Variants in SERPINA12 observed in about 807,000 individuals in gnomAD.
The protein encoded by SERPINA12 is serpin family A member 12.
A neutral mutation model predicts 25.9 loss-of-function variants in SERPINA12; 21 were observed. The ratio of observed to expected loss-of-function variants is 0.81; its 90% CI spans 0.58 to 1.17. The LOEUF is 1.17. Ranked by LOEUF, SERPINA12 falls within the 50% of genes most tolerant of loss-of-function variation. SERPINA12 has a pLI of 0.00. For missense variants in SERPINA12, 562 were observed against 508.3 expected (o/e 1.11, Z -1.02); for synonymous variants, 220 against 196.0 (o/e 1.12, Z -1.02).
At chr14:94,497,287 C>T (rs1418922522) in intron 2 of SERPINA12, among the ~76,000 whole-genome samples, 1 of 152,174 alleles carries the variant, frequency 6.6e-6, no homozygotes, top group African/African-American at 2.4e-5. Flanking sequence ...AGGAGACCCA[C>T]CAAGTGATCA....
intron 3 of SERPINA12, among the ~76,000 whole-genome samples, chr14:94,494,383 A>C (rs563198805): frequency 6.6e-6 from 1 of 152,360 alleles, no homozygotes; most frequent in East Asian, 1.9e-4. Flanking sequence ...TTCACACGGA[A>C]CATGGCTTGG....
At chr14:94,491,298 A>G (rs751047777) in intron 3 of SERPINA12, among the ~76,000 whole-genome samples, 12 of 152,238 alleles carry the variant, frequency 7.9e-5, no homozygotes, top group Non-Finnish European at 1.2e-4. Flanking sequence ...AAAAATAAAT[A>G]GATTGACTTG....
chr14:94,498,415 C>T lies in SERPINA12; in HGVS notation c.-18G>A, dbSNP rs748872117. 6.2e-7 allele frequency: 1 copy of T among 1,609,150 alleles called. No individual in the cohort carries two copies. The highest frequency in any genetic ancestry group is 8.5e-7 in the Non-Finnish European group (1 of 1,177,440). ...GGGTTCATTTTCCTTGAAGAATATC[C>T]TGTTGAGTAGTAGACCTGAGGTCAG... On this transcript the variant is annotated 5_prime_UTR_variant, in exon 2 of 5. Transcript: ENST00000677451.
exon 1 of SERPINA12, chr14:94,517,684 G>A (rs1901269914): frequency 6.6e-6 from 1 of 152,262 alleles, no homozygotes; most frequent in African/African-American, 2.4e-5. Context: ...CCCAGCGCCT[G>A]GGACTGTGGG....
At chr14:94,511,221 T>C (rs1901100103), upstream of SERPINA12, among the ~76,000 whole-genome samples, 1 of 151,620 alleles carries the variant, frequency 6.6e-6, no homozygotes, top group Non-Finnish European at 1.5e-5. Context: ...TGTGTACTTC[T>C]GTGCACACCT....
rs565973036 is a variant in SERPINA12, at chr14:94,487,324, A to G, written c.1224T>C (p.Ile408=). Residue 408 remains isoleucine (I), a synonymous_variant, in exon 5 of 5, where the codon ATT becomes ATC. Transcript: ENST00000677451. ...TCCTTTATTTTCCAATAGGGTTAAC[A>G]ATCTTTCCCAGGAAGAGCACGGAAG... is the stretch of plus-strand genomic sequence containing the variant. ...KIPSVLFLGK[I]VNPIGK is the part of the protein sequence containing the mutation. The G allele has an allele frequency of 5.0e-6, 8 of 1,613,970 alleles. No individual in the cohort carries two copies. In the African/African-American group the frequency reaches 1.1e-4, roughly 22 times the overall value.
chr14:94,498,799 T>A (rs1900585687), intron 1 of SERPINA12, among the ~76,000 whole-genome samples: 1 of 152,190 alleles, frequency 6.6e-6, no homozygotes, highest in African/African-American at 2.4e-5. Context: ...TTTGCCACAC[T>A]GGCTGGTTAA....
intron 1 of SERPINA12, among the ~76,000 whole-genome samples, chr14:94,506,452 G>A (rs763268877): frequency 6.6e-6 from 1 of 152,180 alleles, no homozygotes; most frequent in Non-Finnish European, 1.5e-5. Context: ...TAGCTGGGGT[G>A]CTCTGGACTG....
chr14:94,498,044 G>A lies in SERPINA12; in HGVS notation c.354C>T (p.Tyr118=). Residue 118 remains tyrosine, a synonymous_variant, in exon 2 of 5, where the codon TAC becomes TAT. Coordinates refer to ENST00000677451, the MANE Select transcript of SERPINA12 (RefSeq NM_001382267.1). ...TCTTCTGGGTCAGCTCGTGGATGAT[G>A]TAATGGAAGCCCTCATGAAGATCTT... ...PEKDLHEGFH[Y]IIHELTQKTQ... is the part of the protein sequence containing the mutation. The A allele has an allele frequency of 2.5e-6, 4 of 1,614,180 alleles. No individual in the cohort carries two copies. The highest frequency in any genetic ancestry group is 2.2e-5 in the East Asian group (1 of 44,882).
upstream of SERPINA12, among the ~76,000 whole-genome samples, chr14:94,510,444 T>A (rs573565672): frequency 2.0e-5 from 3 of 151,736 alleles, no homozygotes; most frequent in East Asian, 5.8e-4. Context: ...AAGTAAAAAA[T>A]AAAAATAAAA....
At position 94,498,023 on chromosome 14, in the gene SERPINA12, C is replaced by T; in HGVS notation, c.375G>A (p.Gln125=). 1.9e-6 allele frequency: 3 copies of T among 1,614,162 alleles called. No individual in the cohort carries two copies. The South Asian group carries it at 3.3e-5, about 18-fold the overall frequency. Residue 125 remains glutamine, a synonymous_variant, in exon 2 of 5, where the codon CAG becomes CAA. Coordinates refer to ENST00000677451, the MANE Select transcript of SERPINA12 (RefSeq NM_001382267.1). ...GFHYIIHELT[Q]KTQDLKLSIG... is the part of the protein sequence containing the mutation. Reference sequence around the variant, plus strand: ...TGCTCAGTTTGAGGTCCTGGGTCTTCTGGGTCAGCTCGTGGATGATGTAAT... The same window carrying T: ...TGCTCAGTTTGAGGTCCTGGGTCTTTTGGGTCAGCTCGTGGATGATGTAAT...
At chr14:94,492,376 G>A (rs1013196785) in intron 3 of SERPINA12, among the ~76,000 whole-genome samples, 3 of 152,152 alleles carry the variant, frequency 2.0e-5, no homozygotes, top group African/African-American at 7.2e-5. Context: ...TTTTATGTTG[G>A]GAAAAATAAT....
At chr14:94,508,946 T>C (rs1474533134) in intron 1 of SERPINA12, among the ~76,000 whole-genome samples, 1 of 152,228 alleles carries the variant, frequency 6.6e-6, no homozygotes, top group African/African-American at 2.4e-5. Flanking sequence ...ATAGACATTA[T>C]GTATTTTTCA....
At chr14:94,498,927 G>T (rs138151888) in intron 1 of SERPINA12, among the ~76,000 whole-genome samples, 1 of 152,176 alleles carries the variant, frequency 6.6e-6, no homozygotes, top group East Asian at 1.9e-4. Flanking sequence ...TGTGGCCATG[G>T]TTTCCACATG....
At chr14:94,502,959 C>T (rs1049084622) in intron 1 of SERPINA12, among the ~76,000 whole-genome samples, 2 of 152,164 alleles carry the variant, frequency 1.3e-5, no homozygotes, top group African/African-American at 4.8e-5. Context: ...TTGGAATGTG[C>T]AGCACTTGGG....
At chr14:94,488,117 C>T (rs948622888) in intron 4 of SERPINA12, among the ~76,000 whole-genome samples, 11 of 152,272 alleles carry the variant, frequency 7.2e-5, no homozygotes, top group Admixed American at 3.3e-4. Flanking sequence ...TATCAGCAAA[C>T]GTAACTACAG....
chr14:94,509,765 T>G (rs1901060022), upstream of SERPINA12, among the ~76,000 whole-genome samples: 1 of 152,144 alleles, frequency 6.6e-6, no homozygotes, highest in Non-Finnish European at 1.5e-5. Flanking sequence ...GACCTGAGTG[T>G]TTGGCACCCA....
chr14:94,509,279 A>ATCAC (rs1555379340), intron 1 of SERPINA12, among the ~76,000 whole-genome samples, 63 bp downstream of exon 1: 3 of 134,622 alleles, frequency 2.2e-5, no homozygotes, highest in African/African-American at 8.3e-5. Context: ...AGAAACAGAC[A>ATCAC]ACACACACAC....
intron 1 of SERPINA12, among the ~76,000 whole-genome samples, chr14:94,500,015 C>T (rs74644698): frequency 0.04 from 6,166 of 152,260 alleles, 208 homozygotes; most frequent in South Asian, 0.096. Flanking sequence ...CAGCCACCAA[C>T]GGGGTCTGCA....
Sources: gnomAD v4.1 joint callset for allele counts (sites outside exome capture counted in the v4.1 genomes callset) on GRCh38, gnomAD v4.1.1 for gene constraint, MANE v1.5 for transcripts, NCBI Gene and HGNC (gene_info 2026-07-23, HGNC 2026-07-21) for gene names.